The following CSMD1 variants were observed in gnomAD, a reference collection of about 807,000 sequenced individuals.
The protein encoded by CSMD1 is CUB and Sushi multiple domains 1, also known as CUB and sushi domain-containing protein 1.
In CSMD1, 213 loss-of-function variants were observed where a neutral mutation model predicts 417.5. That is an observed-to-expected ratio of 0.51 (90% confidence interval 0.46 to 0.57). The LOEUF is 0.57. Among genes scored for constraint, CSMD1 ranks in the 20% least tolerant of loss-of-function variants. The probability of loss-of-function intolerance (pLI) is 0.00; values close to 1 mark genes in which losing one functional copy is unlikely to be tolerated. For synonymous variants in CSMD1, 2,862 were observed against 1,736.8 expected (o/e 1.65, Z -16.11); for missense variants, 6,923 against 4,529.7 (o/e 1.53, Z -15.17).
chr8:4,909,944 C>G (rs190711699), intron 1 of CSMD1, among the ~76,000 whole-genome samples: 75 of 152,278 alleles, frequency 4.9e-4, no homozygotes, highest in African/African-American at 1.6e-3. Flanking sequence ...CTAGCTGAAA[C>G]TGAAGTCTTG....
At chr8:4,745,092 C>A (rs947472571) in intron 1 of CSMD1, among the ~76,000 whole-genome samples, 1 of 151,898 alleles carries the variant, frequency 6.6e-6, no homozygotes, top group Non-Finnish European at 1.5e-5. Flanking sequence ...TCGAGAAATG[C>A]GTAAGAATGG....
chr8:4,048,612 A>G (rs921602026), intron 3 of CSMD1, among the ~76,000 whole-genome samples: 2 of 152,360 alleles, frequency 1.3e-5, no homozygotes, highest in African/African-American at 4.8e-5. Context: ...AGCACACACC[A>G]AACAGGTAAT....
At position 3,390,669 on chromosome 8, in the gene CSMD1, A is replaced by C. The variant is rs529898451; in HGVS notation, c.2594-2987T>G. ...TTACAAACATTACTTTTTTTTTTTCAATTGGTCTTTGCAAAATAAGTGACT... is the reference window on the plus strand; with the variant it reads ...TTACAAACATTACTTTTTTTTTTTCCATTGGTCTTTGCAAAATAAGTGACT... On this transcript the variant is annotated intron_variant, in intron 17 of 69. Transcript: ENST00000635120. Among the ~76,000 whole-genome samples the C allele has an allele frequency of 2.2e-4, 34 of 151,222 alleles. No homozygotes were observed. The South Asian group carries it at 6.9e-3, about 31-fold the overall frequency.
intron 7 of CSMD1, among the ~76,000 whole-genome samples, chr8:3,695,750 AG>A (rs1800518472): frequency 6.6e-6 from 1 of 152,224 alleles, no homozygotes; most frequent in Non-Finnish European, 1.5e-5. Context: ...GCTAAACCCT[AG>A]TCTGAGCATA....
intron 1 of CSMD1, among the ~76,000 whole-genome samples, chr8:4,869,674 C>T (rs947239494): frequency 2.0e-4 from 30 of 152,020 alleles, no homozygotes; most frequent in African/African-American, 7.0e-4. Flanking sequence ...AACATTAGGG[C>T]ACCATTTTCT....
intron 2 of CSMD1, among the ~76,000 whole-genome samples, chr8:4,540,934 C>T (rs1364254511): frequency 1.3e-5 from 2 of 152,178 alleles, no homozygotes; most frequent in African/African-American, 2.4e-5. Flanking sequence ...CTAAACTGAA[C>T]AGCTATGATT....
At chr8:4,312,902 G>A (rs1291095935) in intron 3 of CSMD1, among the ~76,000 whole-genome samples, 2 of 152,088 alleles carry the variant, frequency 1.3e-5, no homozygotes, top group African/African-American at 4.8e-5. Flanking sequence ...ATCACACGTG[G>A]CAAAAACAAT....
chr8:2,937,729 A>G lies in CSMD1; in HGVS notation c.*856T>C, dbSNP rs1801589587. ...GAGCTAATTGAAGCAATAATAAAATAAATCTCTTCAATACTGTATTTCCTT... is the reference window on the plus strand; with the variant it reads ...GAGCTAATTGAAGCAATAATAAAATGAATCTCTTCAATACTGTATTTCCTT... On this transcript the variant is annotated 3_prime_UTR_variant, in exon 70 of 70. Transcript: ENST00000635120. The G allele has an allele frequency of 6.6e-6, 1 of 152,546 alleles. No homozygotes were observed. Among genetic ancestry groups the G allele is most frequent in the South Asian group, 2.1e-4 (1 of 4,832 alleles). 9.4% of individuals were successfully genotyped at this position (152,546 alleles called of 1,614,324 possible). A position where few individuals can be genotyped will look rare whatever the true frequency, so the allele number is the denominator to read the frequency against.
chr8:4,434,447 G>C (rs374994954), intron 2 of CSMD1, among the ~76,000 whole-genome samples: 2 of 152,114 alleles, frequency 1.3e-5, no homozygotes, highest in Non-Finnish European at 2.9e-5. Context: ...TTGGCTTTGT[G>C]ACCCATCCTA....
intron 7 of CSMD1, among the ~76,000 whole-genome samples, chr8:3,662,723 G>A (rs527991720): frequency 6.6e-6 from 1 of 152,164 alleles, no homozygotes; most frequent in African/African-American, 2.4e-5. Flanking sequence ...ATCATTCTCA[G>A]CAAACTGACA....
intron 3 of CSMD1, among the ~76,000 whole-genome samples, chr8:4,093,793 T>A (rs557771868): frequency 1.3e-5 from 2 of 152,186 alleles, no homozygotes; most frequent in East Asian, 3.9e-4. Flanking sequence ...AAATCCCATA[T>A]CTACTAAAAA....
chr8:4,177,520 A>C (rs1340084730), intron 3 of CSMD1, among the ~76,000 whole-genome samples: 2 of 152,186 alleles, frequency 1.3e-5, no homozygotes, highest in Non-Finnish European at 2.9e-5. Flanking sequence ...AATTAAAAGA[A>C]CTAGAAAAAC....
rs73661113 is a variant in CSMD1 at position 4,751,797 on chromosome 8, C to T, written c.86-114239G>A. Among the ~76,000 whole-genome samples, 994 of 152,222 alleles carry T rather than the reference C, an allele frequency of 6.5e-3. 14 individuals are homozygous for T. Among genetic ancestry groups the T allele is most frequent in the African/African-American group, 0.023 (956 of 41,530 alleles). On this transcript the variant is annotated intron_variant, in intron 1 of 69. Transcript: ENST00000635120. ...CTGCGTTTGCATTCTAGCTCTGCCC[C>T]GTACATGCAGAGTCCACATGATGTC...
intron 50 of CSMD1, among the ~76,000 whole-genome samples, chr8:3,036,503 C>A (rs1810682039): frequency 1.3e-5 from 2 of 152,228 alleles, no homozygotes; most frequent in South Asian, 4.1e-4. Flanking sequence ...GATTAGATGT[C>A]ATTGGAGTAA....
chr8:4,881,046 G>C (rs774674142), intron 1 of CSMD1, among the ~76,000 whole-genome samples: 2 of 151,800 alleles, frequency 1.3e-5, no homozygotes, highest in Non-Finnish European at 2.9e-5. Context: ...TCAGGGCTCA[G>C]TTCCCAACTC....
At chr8:4,488,316 A>G (rs999085039) in intron 2 of CSMD1, among the ~76,000 whole-genome samples, 2 of 152,138 alleles carry the variant, frequency 1.3e-5, no homozygotes, top group East Asian at 3.9e-4. Flanking sequence ...AGTAGTTAAC[A>G]TGTGTAAAGT....
At chr8:3,087,651 G>C (rs1814640446) in intron 48 of CSMD1, among the ~76,000 whole-genome samples, 1 of 152,176 alleles carries the variant, frequency 6.6e-6, no homozygotes, top group Non-Finnish European at 1.5e-5. Flanking sequence ...AGCTATAAAA[G>C]AAACTGCAGA....
At chr8:4,043,869 G>A (rs909360167) in intron 3 of CSMD1, among the ~76,000 whole-genome samples, 2 of 152,122 alleles carry the variant, frequency 1.3e-5, no homozygotes, top group Non-Finnish European at 2.9e-5. Flanking sequence ...ACACAGAGAG[G>A]CTAAGGAACT....
chr8:3,036,055 A>G (rs1293003009), intron 50 of CSMD1, among the ~76,000 whole-genome samples: 4 of 152,194 alleles, frequency 2.6e-5, no homozygotes, highest in African/African-American at 4.8e-5. Context: ...AGATCAGTTG[A>G]AAGTATAAAC....
Sources: gnomAD v4.1 joint callset for allele counts (sites outside exome capture counted in the v4.1 genomes callset) on GRCh38, gnomAD v4.1.1 for gene constraint, MANE v1.5 for transcripts, NCBI Gene and HGNC (gene_info 2026-07-23, HGNC 2026-07-21) for gene names.